Variants in CWC22 observed in about 807,000 individuals in gnomAD.
The protein encoded by CWC22 is pre-mRNA-splicing factor CWC22 homolog.
Under a neutral mutation model 117.2 loss-of-function variants are expected in CWC22, and 53 were observed. The observed-to-expected ratio is 0.45, with a 90% CI of 0.36 to 0.57. The LOEUF (loss-of-function observed/expected upper bound fraction) is 0.57. CWC22 is among the 20% of genes least tolerant of loss of function. CWC22 has a pLI of 0.00. For synonymous variants in CWC22, 360 were observed against 355.6 expected, an observed-to-expected ratio of 1.01 and a Z score of -0.14; for missense variants, 980 against 1,068.8, an observed-to-expected ratio of 0.92 and a Z score of 1.16.
intron 1 of CWC22, among the ~76,000 whole-genome samples, chr2:180,005,481 C>T (rs570426588): frequency 6.6e-6 from 1 of 152,138 alleles, no homozygotes; most frequent in Non-Finnish European, 1.5e-5. Context: ...GAGGCTGAGG[C>T]AGGAGAATGG....
intron 1 of CWC22, among the ~76,000 whole-genome samples, chr2:179,998,668 A>G (rs994126978): frequency 6.6e-6 from 1 of 152,208 alleles, no homozygotes; most frequent in African/African-American, 2.4e-5. Context: ...TCAAAGTTCC[A>G]GATAGCAAAG....
At chr2:179,962,485 C>T (rs1417837514) in intron 13 of CWC22, among the ~76,000 whole-genome samples, 1 of 152,126 alleles carries the variant, frequency 6.6e-6, no homozygotes, top group African/African-American at 2.4e-5. Flanking sequence ...GAAAATACTA[C>T]AAGCACAATT....
chr2:180,002,445 T>C (rs561773619), intron 1 of CWC22, among the ~76,000 whole-genome samples: 3 of 152,108 alleles, frequency 2.0e-5, no homozygotes, highest in African/African-American at 4.8e-5. Flanking sequence ...CTGGGCAACA[T>C]AGTGAGATCC....
chr2:179,953,010 CAG>C (rs1483233545), intron 16 of CWC22, among the ~76,000 whole-genome samples: 7 of 151,928 alleles, frequency 4.6e-5, no homozygotes, highest in East Asian at 1.9e-4. Context: ...TAAAAAAAGA[CAG>C]AAAGTATAAT....
At chr2:180,002,808 A>G (rs1687878216) in intron 1 of CWC22, among the ~76,000 whole-genome samples, 1 of 152,238 alleles carries the variant, frequency 6.6e-6, no homozygotes. Context: ...GCATGTGTAA[A>G]GACTCAGAGA....
In CWC22 at chr2:179,971,747, G is replaced by A. The variant is rs937300834; in HGVS notation, c.805-671C>T. Among the ~76,000 whole-genome samples, 19 of 152,164 alleles carry A rather than the reference G, an allele frequency of 1.2e-4. No homozygotes were observed. The East Asian group carries it at 1.4e-3, about 11-fold the overall frequency. Reference sequence around the variant, plus strand: ...GAGAAGTTTGCTAAGAGAAGAAAACGAACAACAAAGAATGTTTAAAACACC... The same window carrying A: ...GAGAAGTTTGCTAAGAGAAGAAAACAAACAACAAAGAATGTTTAAAACACC... On this transcript the variant is annotated intron_variant, in intron 8 of 19. Transcript: ENST00000410053.
intron 19 of CWC22, 43 bp downstream of exon 19, chr2:179,950,465 ATATT>A: frequency 1.8e-6 from 2 of 1,129,318 alleles, no homozygotes; most frequent in Non-Finnish European, 1.3e-6. Flanking sequence ...TATCAGCAAC[ATATT>A]TATTAGAAAA....
intron 1 of CWC22, among the ~76,000 whole-genome samples, chr2:180,006,060 C>T (rs1250422438): frequency 1.3e-5 from 2 of 152,204 alleles, no homozygotes; most frequent in Non-Finnish European, 2.9e-5. Context: ...TTTATGTTAA[C>T]TCCTGAATTC....
chr2:179,980,519 G>A (rs1687260448), intron 5 of CWC22, among the ~76,000 whole-genome samples: 2 of 150,404 alleles, frequency 1.3e-5, no homozygotes, highest in South Asian at 2.1e-4. Context: ...CTGGGTTCAT[G>A]CCATTCTTCT....
intron 6 of CWC22, among the ~76,000 whole-genome samples, chr2:179,974,204 C>T (rs566118654): frequency 6.6e-6 from 1 of 152,208 alleles, no homozygotes; most frequent in Non-Finnish European, 1.5e-5. Context: ...GTTTCTACTA[C>T]AGATCTGTCA....
intron 2 of CWC22, among the ~76,000 whole-genome samples, 182 bp downstream of exon 2, chr2:179,993,133 A>C (rs935054767): frequency 5.9e-5 from 9 of 152,250 alleles, no homozygotes; most frequent in African/African-American, 2.2e-4. Context: ...TGGATGTATT[A>C]GGTTGGTGCA....
intron 13 of CWC22, among the ~76,000 whole-genome samples, chr2:179,963,412 G>A (rs1686806293): frequency 8.3e-6 from 1 of 121,148 alleles, no homozygotes; most frequent in African/African-American, 3.2e-5. Context: ...GCGCCATCTC[G>A]GCTCACTGCA....
Position 179,973,740 on chromosome 2 carries a change from T to C in CWC22, c.644A>G (p.Tyr215Cys). The change falls in exon 7 of 20, where the codon TAT becomes TGT. Residue 215 changes from tyrosine (Y) to cysteine (C), a missense_variant. Tyr to Cys is a radical substitution (Grantham distance 194, BLOSUM62 -2). Coordinates refer to ENST00000410053, the MANE Select transcript of CWC22 (RefSeq NM_020943.3). ...QSASPIFTHV[Y>C]AALVAIINSK... ...GTTGATAATTGCCACTAATGCTGCA[T>C]AAACATGGGTGAAGATTGGAGAAGC... 1 of 1,611,190 alleles carries C rather than the reference T, an allele frequency of 6.2e-7. No homozygotes were observed. Among genetic ancestry groups the C allele is most frequent in the East Asian group, 2.2e-5 (1 of 44,800 alleles).
chr2:179,988,719 G>C, intron 2 of CWC22, 75 bp from the exon 3 acceptor site: 3 of 733,236 alleles, frequency 4.1e-6, no homozygotes, highest in Non-Finnish European at 6.6e-6. Flanking sequence ...ACATGGCTTA[G>C]AAAGTTGGAA....
At position 179,986,802 on chromosome 2, in the gene CWC22, A is replaced by G. The variant is rs1053415541; in HGVS notation, c.99T>C (p.Tyr33=). 5.9e-6 allele frequency: 9 copies of G among 1,535,938 alleles called. No homozygotes were observed. In the Middle Eastern group the frequency reaches 5.1e-4, roughly 87 times the overall value. Residue 33 remains tyrosine (Y), a synonymous_variant, in exon 4 of 20, where the codon TAT becomes TAC. Transcript: ENST00000410053. ...CCCGGGGGGATCGTTCTTGTTCTTC[A>G]TATCTAACATAAAATAAGAAAACCA... ...YQRNSSPEDR[Y]EEQERSPRDR...
intron 4 of CWC22, 116 bp from the exon 5 acceptor site, chr2:179,982,113 A>G: frequency 3.1e-6 from 2 of 638,772 alleles, no homozygotes; most frequent in East Asian, 2.7e-5. Context: ...GACTAGGAAA[A>G]GTGGTTTAGA....
intron 1 of CWC22, among the ~76,000 whole-genome samples, chr2:180,004,909 G>A (rs184435848): frequency 6.2e-4 from 94 of 152,032 alleles, no homozygotes; most frequent in African/African-American, 2.1e-3. Context: ...AGCAAGGAGG[G>A]CAGCAAACAT....
intron 13 of CWC22, among the ~76,000 whole-genome samples, chr2:179,962,322 T>C (rs562605408): frequency 5.3e-4 from 80 of 152,334 alleles, no homozygotes; most frequent in Non-Finnish European, 9.4e-4. Context: ...AAAAGTGGAC[T>C]GTTTAAGATG....
rs71425650 is a variant in CWC22 at position 179,945,631 on chromosome 2, C to T, written c.2225G>A (p.Arg742Lys). Reference protein sequence around the residue: ...KLIRNQQTNDRKQKERRQEHG... With the variant: ...KLIRNQQTNDKKQKERRQEHG... Reference sequence around the variant, plus strand: ...TTCTTGTCTTCTTTCTTTTTGTTTCCTATCATTTGTTTGCTGGTTTCTGAT... The same window carrying T: ...TTCTTGTCTTCTTTCTTTTTGTTTCTTATCATTTGTTTGCTGGTTTCTGAT... Residue 742 changes from arginine to lysine, a missense_variant, in exon 20 of 20, where the codon AGG (arginine) becomes AAG (lysine). Transcript: ENST00000410053. 0.13 allele frequency: 206,393 copies of T among 1,611,950 alleles called. 16,549 individuals carry two copies. Among genetic ancestry groups the T allele is most frequent in the Admixed American group, 0.38 (22,846 of 59,946 alleles).
Sources: allele counts gnomAD v4.1 joint callset (sites outside exome capture counted in the v4.1 genomes callset), GRCh38; gene constraint gnomAD v4.1.1; transcripts MANE v1.5; gene names NCBI Gene and HGNC (gene_info 2026-07-23, HGNC 2026-07-21).